Variants in MED27 observed in about 807,000 individuals in gnomAD.
The protein encoded by MED27 is mediator of RNA polymerase II transcription subunit 27.
In MED27, 30 loss-of-function variants were observed where a neutral mutation model predicts 38.2. The observed-to-expected ratio is 0.79, with a 90% CI of 0.59 to 1.07. The LOEUF (loss-of-function observed/expected upper bound fraction) is 1.07, where lower values mean the gene tolerates loss of function less well. Among genes scored for constraint, MED27 ranks in the 50% least tolerant of loss-of-function variants. MED27 has a pLI of 0.00. For synonymous variants in MED27, 122 were observed against 153.5 expected, an observed-to-expected ratio of 0.79 and a Z score of 1.52; for missense variants, 289 against 397.5, an observed-to-expected ratio of 0.73 and a Z score of 2.32.
intron 4 of MED27, among the ~76,000 whole-genome samples, chr9:131,912,472 C>A (rs972487332): frequency 6.6e-6 from 1 of 152,164 alleles, no homozygotes; most frequent in Non-Finnish European, 1.5e-5. Context: ...TGATACCACA[C>A]CTGACTTCAC....
Position 131,911,038 on chromosome 9 carries a change from A to G in MED27, c.574-17046T>C, listed in dbSNP as rs186573938. 7.6e-3 allele frequency among the ~76,000 whole-genome samples: 1,149 copies of G among 151,988 alleles called. 13 individuals are homozygous for G. The highest frequency in any genetic ancestry group is 0.026 in the African/African-American group (1,101 of 41,558). On this transcript the variant is annotated intron_variant, in intron 4 of 7. Transcript: ENST00000292035. ...ATGCAATTAAACCATGAGAGGCTAA[A>G]TAAACATACATACTAATTAGGATCT...
chr9:131,892,822 C>T (rs1356236895), intron 5 of MED27, among the ~76,000 whole-genome samples: 1 of 152,144 alleles, frequency 6.6e-6, no homozygotes, highest in East Asian at 1.9e-4. Context: ...GCTCCAAAGA[C>T]ATTTGGTTTT....
At chr9:132,012,742 CAAATTATGGCGTTAATTTATTA>C (rs1832510093) in intron 3 of MED27, among the ~76,000 whole-genome samples, 1 of 151,806 alleles carries the variant, frequency 6.6e-6, no homozygotes, top group Admixed American at 6.6e-5. Context: ...AGCATAACTA[CAAATTATGGCGTTAATTTATTA>C]ATTTGTTGAG....
chr9:131,896,213 T>C (rs1829830152), intron 4 of MED27, among the ~76,000 whole-genome samples: 1 of 152,180 alleles, frequency 6.6e-6, no homozygotes, highest in African/African-American at 2.4e-5. Flanking sequence ...GTTATAGTTT[T>C]GTAGTTACAG....
intron 2 of MED27, among the ~76,000 whole-genome samples, chr9:132,076,942 C>T (rs1311431986): frequency 2.0e-5 from 3 of 152,194 alleles, no homozygotes; most frequent in Non-Finnish European, 4.4e-5. Context: ...AACAATCTCC[C>T]TTAGGTGGCA....
chr9:132,058,785 G>T (rs191103457), intron 2 of MED27, among the ~76,000 whole-genome samples: 2 of 152,242 alleles, frequency 1.3e-5, no homozygotes, highest in African/African-American at 2.4e-5. Context: ...CAAAAGCTAA[G>T]GGTTTTATAA....
chr9:132,001,135 T>C lies in MED27; in HGVS notation c.479+13202A>G, dbSNP rs143814439. The stretch of plus-strand genomic sequence containing the variant: ...AAAGAAAAAAAAAGTATATGCTGTA[T>C]AGTTCCTCTAATATGACTTCTAGAA... On this transcript the variant is annotated intron_variant, in intron 3 of 7. Transcript: ENST00000292035. Among the ~76,000 whole-genome samples the C allele has an allele frequency of 3.6e-3, 544 of 152,144 alleles. 2 individuals are homozygous for C. The highest frequency in any genetic ancestry group is 0.012 in the African/African-American group (513 of 41,490).
At chr9:131,985,897 C>A (rs1831838976) in intron 3 of MED27, among the ~76,000 whole-genome samples, 1 of 151,346 alleles carries the variant, frequency 6.6e-6, no homozygotes, top group Non-Finnish European at 1.5e-5. Flanking sequence ...TGATCCTGAC[C>A]CTGTGTAGGC....
intron 5 of MED27, among the ~76,000 whole-genome samples, chr9:131,893,096 T>A (rs1839255291): frequency 6.6e-6 from 1 of 152,194 alleles, no homozygotes; most frequent in African/African-American, 2.4e-5. Context: ...ATAATGTGGC[T>A]GTTGGGTGGT....
chr9:132,023,172 T>G (rs572822838), intron 2 of MED27, among the ~76,000 whole-genome samples: 9 of 152,150 alleles, frequency 5.9e-5, no homozygotes, highest in Non-Finnish European at 1.3e-4. Context: ...TATTCCCATA[T>G]AAGAAATATG....
intron 3 of MED27, among the ~76,000 whole-genome samples, chr9:131,962,543 ATT>A (rs35806394): frequency 0.26 from 38,441 of 149,112 alleles, 5,552 homozygotes; most frequent in African/African-American, 0.39. Flanking sequence ...CTGGCGTGTG[ATT>A]TTTTTTTTTT....
At chr9:131,992,193 A>G (rs1310145838) in intron 3 of MED27, among the ~76,000 whole-genome samples, 1 of 152,184 alleles carries the variant, frequency 6.6e-6, no homozygotes, top group Non-Finnish European at 1.5e-5. Context: ...TACACAGTGG[A>G]AAATATCAAT....
At chr9:131,927,915 G>A (rs1830511442) in intron 4 of MED27, among the ~76,000 whole-genome samples, 1 of 152,178 alleles carries the variant, frequency 6.6e-6, no homozygotes, top group Admixed American at 6.5e-5. Context: ...TCTTGGCAGG[G>A]ACTGCTTGGT....
chr9:132,008,545 T>C (rs1288814819), intron 3 of MED27, among the ~76,000 whole-genome samples: 1 of 152,250 alleles, frequency 6.6e-6, no homozygotes, highest in African/African-American at 2.4e-5. Flanking sequence ...TCAAGCTTCT[T>C]TGGAGGGGGA....
chr9:131,894,061 G>T, intron 4 of MED27, 69 bp from the exon 5 acceptor site: 1 of 1,177,758 alleles, frequency 8.5e-7, no homozygotes, highest in Non-Finnish European at 1.3e-6. Flanking sequence ...GGTGTGAGAA[G>T]AAATGACCAC....
At chr9:132,047,132 T>C (rs1439313244) in intron 2 of MED27, among the ~76,000 whole-genome samples, 2 of 152,146 alleles carry the variant, frequency 1.3e-5, no homozygotes, top group African/African-American at 4.8e-5. Context: ...ATCTTTAAGA[T>C]TGTACTTGTT....
chr9:131,922,640 C>T (rs62583337), intron 4 of MED27, among the ~76,000 whole-genome samples: 13 of 151,182 alleles, frequency 8.6e-5, no homozygotes, highest in East Asian at 5.8e-4. Context: ...TTTTTCTTTT[C>T]TTTTATTATT....
chr9:131,980,691 T>G (rs1247777608), intron 3 of MED27, among the ~76,000 whole-genome samples: 1 of 152,038 alleles, frequency 6.6e-6, no homozygotes, highest in East Asian at 1.9e-4. Flanking sequence ...TAAAACGGGC[T>G]TTGACTGTTT....
At chr9:131,864,372 A>G (rs777903618) in intron 6 of MED27, among the ~76,000 whole-genome samples, 1 of 152,110 alleles carries the variant, frequency 6.6e-6, no homozygotes, top group Non-Finnish European at 1.5e-5. Context: ...AGTCCCAGCT[A>G]CTCAGGAGGC....
Sources: allele counts gnomAD v4.1 joint callset (sites outside exome capture counted in the v4.1 genomes callset), GRCh38; gene constraint gnomAD v4.1.1; transcripts MANE v1.5; gene names NCBI Gene and HGNC (gene_info 2026-07-23, HGNC 2026-07-21).